TFEC: variants seen among roughly 807,000 people sequenced by gnomAD.
TFEC encodes class E basic helix-loop-helix protein 34.
Under a neutral mutation model 41.6 loss-of-function variants are expected in TFEC, and 31 were observed. The ratio of observed to expected loss-of-function variants is 0.74; its 90% CI spans 0.56 to 1.01. TFEC has a LOEUF of 1.01. TFEC is among the 50% of genes least tolerant of loss of function. The probability of loss-of-function intolerance (pLI) is 0.00; values close to 1 mark genes in which losing one functional copy is unlikely to be tolerated. For missense variants in TFEC, 402 were observed against 404.1 expected (o/e 0.99, Z 0.04); for synonymous variants, 143 against 140.6 (o/e 1.02, Z -0.12).
At chr7:116,111,428 T>C (rs1172255492) in intron 2 of TFEC, among the ~76,000 whole-genome samples, 1 of 152,060 alleles carries the variant, frequency 6.6e-6, no homozygotes, top group African/African-American at 2.4e-5. Flanking sequence ...CCTTAGTGTA[T>C]TTAAGTGCAC....
In TFEC at chr7:115,940,037, A is replaced by G. The variant is rs545377491; in HGVS notation, c.*514T>C. 5.3e-5 allele frequency: 8 copies of G among 152,280 alleles called. No homozygotes were observed. The highest frequency in any genetic ancestry group is 1.9e-4 in the African/African-American group (8 of 41,562). The allele number at this position is 152,280 out of a possible 1,614,324, so 9.4% of individuals were successfully genotyped here. Reference sequence around the variant, plus strand: ...AACCACAAGTGACAGATAATCTATTATACATTTATTTATCCTATAAAGTTT... The same window carrying G: ...AACCACAAGTGACAGATAATCTATTGTACATTTATTTATCCTATAAAGTTT... On this transcript the variant is annotated 3_prime_UTR_variant, in exon 8 of 8. Coordinates refer to ENST00000265440, the MANE Select transcript of TFEC (RefSeq NM_012252.4).
upstream of TFEC, among the ~76,000 whole-genome samples, chr7:116,031,025 A>G (rs892510202): frequency 5.3e-5 from 8 of 152,142 alleles, no homozygotes; most frequent in Non-Finnish European, 8.8e-5. Flanking sequence ...AACAATTCTT[A>G]CCAGAATATA....
intron 3 of TFEC, among the ~76,000 whole-genome samples, chr7:115,972,847 T>C (rs1051924509): frequency 1.3e-5 from 2 of 152,030 alleles, no homozygotes; most frequent in Non-Finnish European, 2.9e-5. Flanking sequence ...TGTTTCAGTA[T>C]ACAATTTCAA....
intron 3 of TFEC, among the ~76,000 whole-genome samples, chr7:115,971,979 A>G (rs556061204): frequency 6.6e-6 from 1 of 152,220 alleles, no homozygotes; most frequent in African/African-American, 2.4e-5. Context: ...TCACTGGCTA[A>G]TATACTTACT....
intron 3 of TFEC, among the ~76,000 whole-genome samples, chr7:116,057,733 C>T (rs373606401): frequency 2.0e-4 from 30 of 151,290 alleles, no homozygotes; most frequent in African/African-American, 5.8e-4. Flanking sequence ...GTAAGATTAA[C>T]GAAAAAATAG....
chr7:116,015,141 T>C (rs901796604), intron 1 of TFEC, among the ~76,000 whole-genome samples: 1 of 150,654 alleles, frequency 6.6e-6, no homozygotes, highest in Non-Finnish European at 1.5e-5. Context: ...TATATAATTC[T>C]GAGTTTTATT....
rs181350302 is a variant in TFEC, at chr7:116,078,829, A to G, written c.198+31879T>C. Among the ~76,000 whole-genome samples the G allele has an allele frequency of 3.3e-3, 509 of 152,262 alleles. 3 individuals are homozygous for G. Among genetic ancestry groups the G allele is most frequent in the Non-Finnish European group, 6.2e-3 (420 of 67,982 alleles). On this transcript the variant is annotated intron_variant, in intron 3 of 8. Coordinates refer to the TFEC transcript ENST00000484212. ...GAGGGAATCCTCCCTTAATCATTCT[A>G]TGAAGTCAATATCACCCTAATACCA... is the stretch of plus-strand genomic sequence containing the variant.
chr7:116,066,707 T>C (rs1245583630), intron 3 of TFEC, among the ~76,000 whole-genome samples: 3 of 152,034 alleles, frequency 2.0e-5, no homozygotes, highest in East Asian at 1.9e-4. Flanking sequence ...ACAATTACAA[T>C]TTTTTTTATC....
At chr7:116,131,556 T>C (rs1798332626) in intron 1 of TFEC, among the ~76,000 whole-genome samples, 1 of 152,218 alleles carries the variant, frequency 6.6e-6, no homozygotes, top group South Asian at 2.1e-4. Flanking sequence ...TATTTTGAAC[T>C]AACTGCATAC....
intron 3 of TFEC, among the ~76,000 whole-genome samples, chr7:115,961,430 G>C (rs1355004270): frequency 6.6e-6 from 1 of 151,352 alleles, no homozygotes; most frequent in Non-Finnish European, 1.5e-5. Flanking sequence ...AAAATTCATA[G>C]CCTTAAATAA....
At chr7:116,109,388 A>C (rs1797796328) in intron 3 of TFEC, among the ~76,000 whole-genome samples, 1 of 152,204 alleles carries the variant, frequency 6.6e-6, no homozygotes, top group African/African-American at 2.4e-5. Flanking sequence ...AAAAAAACAA[A>C]CAAACCCATC....
intron 3 of TFEC, among the ~76,000 whole-genome samples, chr7:116,049,890 A>G (rs572943976): frequency 1.3e-3 from 193 of 152,360 alleles, no homozygotes; most frequent in African/African-American, 4.5e-3. Flanking sequence ...CTGGGTACAC[A>G]ACGAAATGAA....
At chr7:116,056,041 T>G (rs1796421982) in intron 3 of TFEC, among the ~76,000 whole-genome samples, 1 of 152,144 alleles carries the variant, frequency 6.6e-6, no homozygotes, top group Non-Finnish European at 1.5e-5. Context: ...TGGATATTAC[T>G]GTATCCAACC....
At chr7:115,993,109 A>G (rs543798696) in intron 1 of TFEC, among the ~76,000 whole-genome samples, 5 of 152,352 alleles carry the variant, frequency 3.3e-5, no homozygotes, top group Admixed American at 1.3e-4. Flanking sequence ...CAAAAACCAC[A>G]TGATTATCTC....
chr7:116,044,751 C>T (rs1562949189), intron 3 of TFEC, among the ~76,000 whole-genome samples: 1 of 152,232 alleles, frequency 6.6e-6, no homozygotes, highest in Non-Finnish European at 1.5e-5. Context: ...CTGCCAGCTG[C>T]CTTTCTCAGG....
At chr7:116,043,360 A>C (rs1446394466) in intron 3 of TFEC, among the ~76,000 whole-genome samples, 2 of 152,100 alleles carry the variant, frequency 1.3e-5, no homozygotes, top group Admixed American at 1.3e-4. Flanking sequence ...ACACTCTACA[A>C]ACAGAAGACC....
At chr7:115,973,958 G>T (rs1793250662) in intron 3 of TFEC, among the ~76,000 whole-genome samples, 1 of 152,022 alleles carries the variant, frequency 6.6e-6, no homozygotes, top group African/African-American at 2.4e-5. Context: ...ATTAGACAGA[G>T]AGAGACAGAG....
Position 115,941,740 on chromosome 7 carries a change from C to A in TFEC, c.663+153G>T, listed in dbSNP as rs573466386. The A allele has an allele frequency of 1.5e-4, 141 of 968,736 alleles. 1 individual carries two copies. The African/African-American group carries it at 1.9e-3, about 13-fold the overall frequency. 60.0% of individuals were successfully genotyped at this position (968,736 alleles called of 1,614,324 possible). ...TAGTCAAATCCTAATTGAAACAACC[C>A]AATTCACGAACTTCTAAAAAGCAGT... is the stretch of plus-strand genomic sequence containing the variant. On this transcript the variant is annotated intron_variant, in intron 7 of 7. Coordinates refer to ENST00000265440, the MANE Select transcript of TFEC (RefSeq NM_012252.4).
chr7:115,984,212 G>GT lies in TFEC; in HGVS notation c.180+49dup, dbSNP rs765476953. ...GTTGACTTCAATTACTTTAATAGAG[G>GT]TTTTTTCAAAAACTGATGATATATT... On this transcript the variant is annotated intron_variant, in intron 2 of 7. Transcript: ENST00000265440. 8.8e-6 allele frequency: 14 copies of GT among 1,588,938 alleles called. No homozygotes were observed. In the East Asian group the frequency reaches 2.0e-4, roughly 23 times the overall value.
Sources: allele counts gnomAD v4.1 joint callset (sites outside exome capture counted in the v4.1 genomes callset), GRCh38; gene constraint gnomAD v4.1.1; transcripts MANE v1.5; gene names NCBI Gene and HGNC (gene_info 2026-07-23, HGNC 2026-07-21).